The following BTG4 variants were observed in gnomAD, a reference collection of about 807,000 sequenced individuals.
The protein encoded by BTG4 is BTG anti-proliferation factor 4.
BTG4 carries 10 observed loss-of-function variants against 19.3 expected under a neutral mutation model. The observed-to-expected ratio is 0.52, with a 90% CI of 0.32 to 0.88. BTG4 has a LOEUF of 0.88. BTG4 is among the 40% of genes least tolerant of loss of function. The probability of loss-of-function intolerance (pLI) is 0.04; values close to 1 mark genes in which losing one functional copy is unlikely to be tolerated. For missense variants in BTG4, 238 were observed against 281.9 expected, an observed-to-expected ratio of 0.84 and a Z score of 1.11; for synonymous variants, 91 against 95.7, an observed-to-expected ratio of 0.95 and a Z score of 0.29.
At chr11:111,473,887 A>C (rs1451800290) in intron 5 of BTG4, among the ~76,000 whole-genome samples, 1 of 152,198 alleles carries the variant, frequency 6.6e-6, no homozygotes, top group Non-Finnish European at 1.5e-5. Flanking sequence ...CTTCCACTAC[A>C]CCACAAAGAT....
chr11:111,495,883 T>C (rs143477542), intron 4 of BTG4, among the ~76,000 whole-genome samples: 444 of 152,338 alleles, frequency 2.9e-3, no homozygotes, highest in Admixed American at 9.4e-3. Context: ...AGCAGGTCTT[T>C]GAATAACATA....
chr11:111,445,466 A>G, the BTG4 span, among the ~76,000 whole-genome samples: 2 of 152,066 alleles, frequency 1.3e-5, no homozygotes, highest in East Asian at 1.9e-4. Flanking sequence ...CACATCTTTC[A>G]TCGTGCCCTC....
At chr11:111,388,209 C>T in the BTG4 span, among the ~76,000 whole-genome samples, 4 of 152,110 alleles carry the variant, frequency 2.6e-5, no homozygotes, top group Non-Finnish European at 4.4e-5. Flanking sequence ...GGGATACTTA[C>T]TATAAAGAGA....
chr11:111,478,834 G>A (rs994200701), intron 5 of BTG4, among the ~76,000 whole-genome samples: 18 of 151,890 alleles, frequency 1.2e-4, no homozygotes, highest in African/African-American at 4.3e-4. Flanking sequence ...GAGAAAAAAA[G>A]ACTGAGGAAA....
At chr11:111,383,925 C>T in the BTG4 span, among the ~76,000 whole-genome samples, 13 of 152,080 alleles carry the variant, frequency 8.5e-5, no homozygotes, top group Admixed American at 1.3e-4. Context: ...AAATTTTCTC[C>T]GCAGAAGTAC....
In BTG4 at chr11:111,511,734, T is replaced by C. The variant is rs772820237; in HGVS notation, c.-27+447A>G. On this transcript the variant is annotated intron_variant, in intron 1 of 4. Coordinates refer to ENST00000692032, the MANE Select transcript of BTG4 (RefSeq NM_001367975.1). The stretch of plus-strand genomic sequence containing the variant: ...TCCCTTTTGCCCAACTGTCACAAGA[T>C]ACTGTTTTTCTGGCATCCACAGCCC... Among the ~76,000 whole-genome samples the C allele has an allele frequency of 3.5e-4, 53 of 152,282 alleles. 1 individual carries two copies. The highest frequency in any genetic ancestry group is 6.2e-4 in the South Asian group (3 of 4,826).
intron 5 of BTG4, among the ~76,000 whole-genome samples, chr11:111,476,188 A>G (rs1254429378): frequency 1.3e-5 from 2 of 151,300 alleles, no homozygotes; most frequent in Admixed American, 1.3e-4. Flanking sequence ...AAGTCTCCTA[A>G]GCAATGCAAG....
At chr11:111,459,748 A>T in the BTG4 span, 1 of 152,702 alleles carries the variant, frequency 6.5e-6, no homozygotes, top group Non-Finnish European at 1.5e-5. Context: ...AATTCTGGCG[A>T]TGCCACACCG....
downstream of BTG4, among the ~76,000 whole-genome samples, chr11:111,489,844 G>A (rs11213926): frequency 0.065 from 9,874 of 152,156 alleles, 521 homozygotes; most frequent in African/African-American, 0.14. Context: ...ACTAGAAGCC[G>A]GGAAGGGTAG....
chr11:111,510,111 C>T (rs1284728444), intron 1 of BTG4, among the ~76,000 whole-genome samples: 1 of 151,804 alleles, frequency 6.6e-6, no homozygotes, highest in African/African-American at 2.4e-5. Flanking sequence ...AGGGTTTCAC[C>T]ATGTTGGCCA....
intron 5 of BTG4, among the ~76,000 whole-genome samples, chr11:111,488,017 T>C (rs1865170689): frequency 6.6e-6 from 1 of 152,142 alleles, no homozygotes; most frequent in African/African-American, 2.4e-5. Flanking sequence ...AGTGTTAAAA[T>C]GTCCATGGTA....
At chr11:111,444,856 A>G in the BTG4 span, among the ~76,000 whole-genome samples, 1 of 152,182 alleles carries the variant, frequency 6.6e-6, no homozygotes, top group Non-Finnish European at 1.5e-5. Context: ...GCGCAGCAGT[A>G]AAAGCTGGCG....
the BTG4 span, among the ~76,000 whole-genome samples, chr11:111,407,182 A>G: frequency 1.3e-5 from 2 of 148,454 alleles, no homozygotes; most frequent in African/African-American, 4.9e-5. Flanking sequence ...TATGTAGTAT[A>G]TATACTATAG....
chr11:111,404,641 A>G, the BTG4 span: 1 of 456,190 alleles, frequency 2.2e-6, no homozygotes, highest in Non-Finnish European at 4.4e-6. Flanking sequence ...GAAGAAATAC[A>G]TAGGAAAATA....
chr11:111,498,231 A>C (rs1591518305), intron 2 of BTG4, 96 bp from the exon 3 acceptor site: 1 of 1,374,982 alleles, frequency 7.3e-7, no homozygotes, highest in Non-Finnish European at 1.0e-6. Flanking sequence ...CATAGCTCCC[A>C]CCTCATCCCC....
the BTG4 span, among the ~76,000 whole-genome samples, chr11:111,390,765 G>A: frequency 6.6e-6 from 1 of 152,170 alleles, no homozygotes; most frequent in East Asian, 1.9e-4. Flanking sequence ...TTTCTTCGAA[G>A]CCTTCCAGTC....
At chr11:111,415,181 G>T in the BTG4 span, among the ~76,000 whole-genome samples, 1 of 152,084 alleles carries the variant, frequency 6.6e-6, no homozygotes, top group Non-Finnish European at 1.5e-5. Flanking sequence ...CACAGAATTA[G>T]TCCTGCTCTG....
At chr11:111,384,165 T>G in the BTG4 span, among the ~76,000 whole-genome samples, 1 of 152,218 alleles carries the variant, frequency 6.6e-6, no homozygotes, top group Non-Finnish European at 1.5e-5. Context: ...CTTCTGAAAG[T>G]AACGGCAGTT....
upstream of BTG4, chr11:111,512,988 A>G (rs376886963): frequency 3.2e-5 from 15 of 470,284 alleles, no homozygotes; most frequent in African/African-American, 2.0e-4. Flanking sequence ...TGGTGGTTAC[A>G]ATCACTAACT....
Sources: gnomAD v4.1 joint callset for allele counts (sites outside exome capture counted in the v4.1 genomes callset) on GRCh38, gnomAD v4.1.1 for gene constraint, MANE v1.5 for transcripts, NCBI Gene and HGNC (gene_info 2026-07-23, HGNC 2026-07-21) for gene names.